The following CFAP410 variants were observed in gnomAD, a reference collection of about 807,000 sequenced individuals.
CFAP410 encodes cilia- and flagella-associated protein 410.
CFAP410 carries 27 observed loss-of-function variants against 25.7 expected under a neutral mutation model. That is an observed-to-expected ratio of 1.05 (90% confidence interval 0.77 to 1.45). The LOEUF is 1.45. CFAP410 is among the 40% of genes most tolerant of loss of function. The pLI is 0.00. For missense variants in CFAP410, 428 were observed against 354.1 expected (o/e 1.21, Z -1.67); for synonymous variants, 178 against 158.4 (o/e 1.12, Z -0.93).
chr21:44,331,813 T>C (rs755996355), intron 5 of CFAP410, 30 bp downstream of exon 5: 7 of 1,599,570 alleles, frequency 4.4e-6, no homozygotes, highest in Non-Finnish European at 6.0e-6. Flanking sequence ...AGGGATGGGC[T>C]GCGGAGTCCC....
chr21:44,335,635 C>G, intron 3 of CFAP410, 123 bp downstream of exon 3: 1 of 754,352 alleles, frequency 1.3e-6, no homozygotes, highest in South Asian at 1.7e-5. Context: ...CTTCTGGAAG[C>G]CGCCCTCAGT....
intron 4 of CFAP410, chr21:44,332,828 C>T (rs1245373624): frequency 3.4e-6 from 2 of 591,230 alleles, no homozygotes; most frequent in African/African-American, 3.7e-5. Flanking sequence ...AGGAGGGACC[C>T]TACGCTGCGC....
At chr21:44,338,227 A>C in intron 1 of CFAP410, 2 of 1,216,052 alleles carry the variant, frequency 1.6e-6, no homozygotes, top group Non-Finnish European at 2.1e-6. Context: ...AACAGGGAAG[A>C]GCTCACTCTG....
At chr21:44,334,532 CCG>C (rs2047717862) in intron 3 of CFAP410, 585 of 28,962 alleles carry the variant, frequency 0.02, 79 homozygotes, top group African/African-American at 0.055. Context: ...CCCCCCCCCC[CCG>C]CTCAACCTCT....
At position 44,330,406 on chromosome 21, in the gene CFAP410, C is replaced by A. The variant is rs565406080; in HGVS notation, c.643-80G>T. ...TCCACAAGGGCTGGGGCCTGGCCAGCGGTGCCCCACCACGGAGCGACTGGT... is the reference window on the plus strand; with the variant it reads ...TCCACAAGGGCTGGGGCCTGGCCAGAGGTGCCCCACCACGGAGCGACTGGT... On this transcript the variant is annotated intron_variant, in intron 6 of 6. Transcript: ENST00000339818. 1.9e-4 allele frequency: 295 copies of A among 1,567,250 alleles called. 1 individual carries two copies. The South Asian group carries it at 3.3e-3, about 18-fold the overall frequency.
intron 2 of CFAP410, among the ~76,000 whole-genome samples, chr21:44,337,188 C>T (rs545542893): frequency 6.6e-6 from 1 of 152,170 alleles, no homozygotes; most frequent in South Asian, 2.1e-4. Flanking sequence ...AAAAATCTTT[C>T]ACAGACGCAC....
Position 44,333,108 on chromosome 21 carries a change from A to G in CFAP410, c.298T>C (p.Cys100Arg), listed in dbSNP as rs1167654237. The G allele has an allele frequency of 1.2e-6, 2 of 1,610,464 alleles. No individual in the cohort carries two copies. The highest frequency in any genetic ancestry group is 1.1e-5 in the South Asian group (1 of 90,830). ...RVLWLAENPCCGTSPHRYRMT... is the reference protein window; with the variant it reads ...RVLWLAENPCRGTSPHRYRMT... ...CGGTAGCGGTGGGGGCTGGTGCCGC[A>G]GCACGGGTTCTCGGCCAGCCACAGC... The change falls in exon 4 of 7, where the codon TGC becomes CGC. Residue 100 changes from cysteine to arginine, a missense_variant. Physicochemically the swap from Cys to Arg is radical, Grantham distance 180. Transcript: ENST00000339818.
chr21:44,338,302 G>T (rs1006457344), intron 1 of CFAP410: 1 of 1,289,102 alleles, frequency 7.8e-7, no homozygotes, highest in Non-Finnish European at 1.0e-6. Context: ...CCGCCTGCAC[G>T]GTGAGGCCAG....
At position 44,339,261 on chromosome 21, in the gene CFAP410, C is replaced by G; in HGVS notation, c.-67G>C. On this transcript the variant is annotated 5_prime_UTR_variant, in exon 1 of 7. Transcript: ENST00000339818. Reference sequence around the variant, plus strand: ...TGATCCCGGGCGGGTGACGACTGCGCGGCGCGTGTCTCCAGGGGCGGGGCC... The same window carrying G: ...TGATCCCGGGCGGGTGACGACTGCGGGGCGCGTGTCTCCAGGGGCGGGGCC... 1 of 1,036,150 alleles carries G rather than the reference C, an allele frequency of 9.7e-7. No individual in the cohort carries two copies. The allele number at this position is 1,036,150 out of a possible 1,614,324, so 64.2% of individuals were successfully genotyped here.
chr21:44,336,596 C>T (rs1473550251), intron 2 of CFAP410, among the ~76,000 whole-genome samples: 1 of 152,150 alleles, frequency 6.6e-6, no homozygotes, highest in African/African-American at 2.4e-5. Context: ...CAGCAGCTCA[C>T]AGCCTGGTCA....
At chr21:44,332,979 TC>T in intron 4 of CFAP410, 53 bp downstream of exon 4, 1 of 1,207,496 alleles carries the variant, frequency 8.3e-7, no homozygotes, top group Admixed American at 2.1e-5. Flanking sequence ...GCTGGGGACA[TC>T]CCCTTCCAGG....
chr21:44,332,967 G>A (rs2047678958), intron 4 of CFAP410, 66 bp downstream of exon 4: 1 of 1,087,728 alleles, frequency 9.2e-7, no homozygotes. Flanking sequence ...AGAGAAAAGA[G>A]GGCTGGGGAC....
intron 2 of CFAP410, 84 bp downstream of exon 2, chr21:44,337,565 T>C: frequency 7.8e-7 from 1 of 1,287,192 alleles, no homozygotes; most frequent in South Asian, 1.3e-5. Flanking sequence ...TTAAAAATTC[T>C]CTTGGGAAAG....
chr21:44,331,481 C>T (rs796603985), intron 5 of CFAP410: 17 of 309,208 alleles, frequency 5.5e-5, no homozygotes, highest in South Asian at 4.1e-4. Context: ...CACTGATGGC[C>T]GTGCCCACAA....
At chr21:44,334,296 G>A (rs1290776186) in intron 3 of CFAP410, 2 of 455,900 alleles carry the variant, frequency 4.4e-6, no homozygotes, top group Admixed American at 2.3e-5. Flanking sequence ...CGGAGGCCCT[G>A]TGGCCCCTGG....
At position 44,339,370 on chromosome 21, in the gene CFAP410, C is replaced by G. The variant is rs1292183809; in HGVS notation, c.-176G>C. 1 of 424,088 alleles carries G rather than the reference C, an allele frequency of 2.4e-6. No homozygotes were observed. Among genetic ancestry groups the G allele is most frequent in the Non-Finnish European group, 4.2e-6 (1 of 240,682 alleles). The allele number at this position is 424,088 out of a possible 1,614,324, so 26.3% of individuals were successfully genotyped here. A position where few individuals can be genotyped will look rare whatever the true frequency, so the allele number is the denominator to read the frequency against. On this transcript the variant is annotated 5_prime_UTR_variant, in exon 1 of 7. Coordinates refer to ENST00000339818, the MANE Select transcript of CFAP410 (RefSeq NM_004928.3). ...CGCGAGCCCGCTGGGGCCGCTTGGGCGCCGCTGACACGTTGGCTCTGCTCC... is the reference window on the plus strand; with the variant it reads ...CGCGAGCCCGCTGGGGCCGCTTGGGGGCCGCTGACACGTTGGCTCTGCTCC...
intron 3 of CFAP410, chr21:44,333,549 T>TG (rs1356693611): frequency 9.5e-6 from 5 of 523,732 alleles, no homozygotes; most frequent in Non-Finnish European, 1.7e-5. Context: ...GTGCGGGAGG[T>TG]GGGGGATGTG....
intron 6 of CFAP410, 200 bp downstream of exon 6, chr21:44,330,623 G>A (rs984929152): frequency 1.7e-5 from 27 of 1,549,002 alleles, no homozygotes; most frequent in African/African-American, 6.9e-5. Context: ...GGCTCCGTGC[G>A]GGGCACGTGT....
At chr21:44,335,697 A>G in intron 3 of CFAP410, 61 bp downstream of exon 3, 1 of 1,305,562 alleles carries the variant, frequency 7.7e-7, no homozygotes, top group Non-Finnish European at 1.1e-6. Context: ...CACTGGAGGG[A>G]CGTGAGGCTC....
Sources: gnomAD v4.1 joint callset for allele counts (sites outside exome capture counted in the v4.1 genomes callset) on GRCh38, gnomAD v4.1.1 for gene constraint, MANE v1.5 for transcripts, NCBI Gene and HGNC (gene_info 2026-07-23, HGNC 2026-07-21) for gene names.